Variants in CLSTN2 observed in about 807,000 individuals in gnomAD.
CLSTN2 encodes the protein calsyntenin 2.
CLSTN2 carries 48 observed loss-of-function variants against 101.2 expected under a neutral mutation model. That is an observed-to-expected ratio of 0.47 (90% CI 0.38 to 0.60). The LOEUF is 0.60. CLSTN2 is among the 20% of genes least tolerant of loss of function. CLSTN2 has a pLI of 0.00. For synonymous variants in CLSTN2, 481 were observed against 463.6 expected (o/e 1.04, Z -0.48); for missense variants, 1,160 against 1,238.2 (o/e 0.94, Z 0.95).
At chr3:140,379,628 G>A (rs950900042) in intron 2 of CLSTN2, among the ~76,000 whole-genome samples, 1 of 152,160 alleles carries the variant, frequency 6.6e-6, no homozygotes. Context: ...GCAAAACACA[G>A]CATCAATTTT....
chr3:140,128,912 G>A (rs1336122761), intron 1 of CLSTN2, among the ~76,000 whole-genome samples: 6 of 152,146 alleles, frequency 3.9e-5, no homozygotes, highest in Non-Finnish European at 8.8e-5. Flanking sequence ...AGTGGATAAT[G>A]TGAGATTAAC....
intron 2 of CLSTN2, among the ~76,000 whole-genome samples, chr3:140,285,952 G>A (rs535354221): frequency 3.2e-4 from 48 of 152,270 alleles, no homozygotes; most frequent in South Asian, 2.5e-3. Flanking sequence ...AGCACTTTTC[G>A]AAATGGAAAG....
chr3:140,500,904 A>G (rs906739243), intron 8 of CLSTN2, among the ~76,000 whole-genome samples: 1 of 152,210 alleles, frequency 6.6e-6, no homozygotes, highest in Non-Finnish European at 1.5e-5. Flanking sequence ...AATTAACCCT[A>G]AATCTGAGAA....
At chr3:140,117,834 C>G (rs1364073872) in intron 1 of CLSTN2, among the ~76,000 whole-genome samples, 1 of 152,166 alleles carries the variant, frequency 6.6e-6, no homozygotes, top group Non-Finnish European at 1.5e-5. Flanking sequence ...GGCAGGCAGG[C>G]CTGAGACTCT....
chr3:140,183,139 C>A (rs571766295), intron 2 of CLSTN2, among the ~76,000 whole-genome samples: 49 of 152,142 alleles, frequency 3.2e-4, no homozygotes, highest in Admixed American at 8.5e-4. Context: ...GCACCAGTGA[C>A]CCTTACCCAG....
rs757714011 is a variant in CLSTN2, at chr3:140,556,702, A to G, written c.1823+41A>G. 4 of 1,601,670 alleles carry G rather than the reference A, an allele frequency of 2.5e-6. No individual in the cohort carries two copies. The Admixed American group carries it at 6.7e-5, about 27-fold the overall frequency. On this transcript the variant is annotated intron_variant, in intron 11 of 16. Coordinates refer to ENST00000458420, the MANE Select transcript of CLSTN2 (RefSeq NM_022131.3). ...TCAGCCTGGGGCCAACTGAGGCAGC[A>G]GTTGGGAAGGTCCCAACTGAGGTCC...
chr3:140,554,775 A>G (rs1168988865), intron 10 of CLSTN2, among the ~76,000 whole-genome samples: 2 of 152,262 alleles, frequency 1.3e-5, no homozygotes, highest in Non-Finnish European at 2.9e-5. Flanking sequence ...ATTACAGTTT[A>G]TCTATACAAT....
chr3:140,361,446 A>ACTT (rs1250640439), intron 2 of CLSTN2, among the ~76,000 whole-genome samples: 1 of 152,202 alleles, frequency 6.6e-6, no homozygotes, highest in Non-Finnish European at 1.5e-5. Flanking sequence ...CATTCTCCAT[A>ACTT]CTTCTATTCA....
chr3:140,503,133 A>C (rs1373402792), intron 8 of CLSTN2, among the ~76,000 whole-genome samples: 1 of 151,976 alleles, frequency 6.6e-6, no homozygotes, highest in Non-Finnish European at 1.5e-5. Flanking sequence ...CTCCCTCTTT[A>C]ATTGTGAGGA....
At chr3:140,356,772 A>AAG (rs1553735822) in intron 2 of CLSTN2, among the ~76,000 whole-genome samples, 2 of 151,734 alleles carry the variant, frequency 1.3e-5, no homozygotes, top group East Asian at 1.9e-4. Context: ...AAAAAAAAAA[A>AAG]AAAGAAAGAA....
intron 1 of CLSTN2, among the ~76,000 whole-genome samples, chr3:140,169,332 TTCTA>T (rs1295688339): frequency 5.9e-5 from 9 of 152,284 alleles, no homozygotes; most frequent in African/African-American, 2.2e-4. Flanking sequence ...AATATTGACT[TTCTA>T]TCTTCTGACC....
At chr3:140,142,362 G>A (rs1448322646) in intron 1 of CLSTN2, among the ~76,000 whole-genome samples, 1 of 152,182 alleles carries the variant, frequency 6.6e-6, no homozygotes, top group African/African-American at 2.4e-5. Context: ...ACCCTGAGAT[G>A]AGGCTCAGAG....
chr3:140,430,025 G>T (rs1396352666), intron 5 of CLSTN2, among the ~76,000 whole-genome samples: 1 of 152,068 alleles, frequency 6.6e-6, no homozygotes, highest in Non-Finnish European at 1.5e-5. Flanking sequence ...AAGTCAGATG[G>T]GTTATTAAAT....
At chr3:140,375,563 C>T (rs1000926451) in intron 2 of CLSTN2, among the ~76,000 whole-genome samples, 8 of 152,248 alleles carry the variant, frequency 5.3e-5, no homozygotes, top group African/African-American at 7.2e-5. Flanking sequence ...TTTTAGTATC[C>T]GCTTTGCTCT....
chr3:140,422,933 A>G (rs2088521872), intron 5 of CLSTN2, among the ~76,000 whole-genome samples: 1 of 152,236 alleles, frequency 6.6e-6, no homozygotes, highest in Non-Finnish European at 1.5e-5. Context: ...AGAAGAACTC[A>G]CCTTGTTTTG....
chr3:139,974,633 A>G (rs917083378), intron 1 of CLSTN2, among the ~76,000 whole-genome samples: 2 of 152,254 alleles, frequency 1.3e-5, no homozygotes, highest in African/African-American at 4.8e-5. Context: ...TTGGGCAGGA[A>G]GGTTTTTAAC....
intron 1 of CLSTN2, among the ~76,000 whole-genome samples, chr3:140,172,932 TG>T: frequency 6.6e-6 from 1 of 152,156 alleles, no homozygotes; most frequent in Non-Finnish European, 1.5e-5. Context: ...AGATGAGATT[TG>T]GGTGGGGACA....
intron 2 of CLSTN2, among the ~76,000 whole-genome samples, chr3:140,266,547 TTC>T (rs1182231139): frequency 2.0e-5 from 3 of 152,326 alleles, no homozygotes; most frequent in Admixed American, 2.0e-4. Flanking sequence ...ATCACTGGTA[TTC>T]TGTTTACCTA....
chr3:140,209,812 G>A (rs1157207862), intron 2 of CLSTN2, among the ~76,000 whole-genome samples: 1 of 152,164 alleles, frequency 6.6e-6, no homozygotes, highest in Non-Finnish European at 1.5e-5. Context: ...TTCAGGTGGT[G>A]ACAGAAGAGG....
Sources: gnomAD v4.1 joint callset for allele counts (sites outside exome capture counted in the v4.1 genomes callset) on GRCh38, gnomAD v4.1.1 for gene constraint, MANE v1.5 for transcripts, NCBI Gene and HGNC (gene_info 2026-07-23, HGNC 2026-07-21) for gene names.